ELOVL4: variants seen among roughly 807,000 people sequenced by gnomAD.
ELOVL4 encodes the protein very long chain fatty acid elongase 4.
In ELOVL4, 18 loss-of-function variants were observed where a neutral mutation model predicts 42.1. The observed-to-expected ratio is 0.43, with a 90% CI of 0.30 to 0.63. The LOEUF (loss-of-function observed/expected upper bound fraction) is 0.63. ELOVL4 is among the 30% of genes least tolerant of loss of function. The pLI, the probability that ELOVL4 is intolerant of heterozygous loss-of-function variation, is 0.15. For synonymous variants in ELOVL4, 117 were observed against 127.0 expected, an observed-to-expected ratio of 0.92 and a Z score of 0.53; for missense variants, 299 against 376.2, an observed-to-expected ratio of 0.79 and a Z score of 1.70.
intron 5 of ELOVL4, among the ~76,000 whole-genome samples, chr6:79,917,260 G>A (rs1010157894): frequency 5.9e-5 from 9 of 152,060 alleles, no homozygotes; most frequent in African/African-American, 2.2e-4. Flanking sequence ...TGATTCTTGA[G>A]TCCTCAGCAC....
At chr6:79,928,808 T>G (rs1368871726) in intron 1 of ELOVL4, among the ~76,000 whole-genome samples, 2 of 140,026 alleles carry the variant, frequency 1.4e-5, no homozygotes, top group Non-Finnish European at 3.0e-5. Context: ...GGTGCACACA[T>G]GGCTCACTGC....
chr6:79,942,657 T>C (rs1774667470), intron 1 of ELOVL4, among the ~76,000 whole-genome samples: 1 of 152,210 alleles, frequency 6.6e-6, no homozygotes, highest in East Asian at 1.9e-4. Context: ...CTTAAAACTT[T>C]GTCTTCCTAA....
chr6:79,947,043 G>A (rs1774757127), intron 1 of ELOVL4, 137 bp downstream of exon 1: 2 of 718,038 alleles, frequency 2.8e-6, no homozygotes, highest in South Asian at 1.6e-5. Flanking sequence ...TGCCCGCGCC[G>A]GCCCCTCCGC....
intron 4 of ELOVL4, among the ~76,000 whole-genome samples, chr6:79,921,122 G>C (rs189148100): frequency 6.6e-6 from 1 of 152,136 alleles, no homozygotes; most frequent in African/African-American, 2.4e-5. Context: ...TATTAAAGTA[G>C]TCACAGATAA....
intron 1 of ELOVL4, among the ~76,000 whole-genome samples, chr6:79,934,844 C>G (rs929694571): frequency 1.3e-5 from 2 of 152,100 alleles, no homozygotes; most frequent in Non-Finnish European, 2.9e-5. Flanking sequence ...TGACACTGAT[C>G]AACCACTAAA....
chr6:79,945,302 C>G (rs1407835861), intron 1 of ELOVL4, among the ~76,000 whole-genome samples: 1 of 152,210 alleles, frequency 6.6e-6, no homozygotes, highest in East Asian at 1.9e-4. Context: ...TAAGGCTACT[C>G]TCACTTCTCA....
intron 4 of ELOVL4, among the ~76,000 whole-genome samples, chr6:79,920,537 T>C (rs930964377): frequency 1.3e-5 from 2 of 152,202 alleles, no homozygotes; most frequent in Non-Finnish European, 2.9e-5. Context: ...TTTGGAATAT[T>C]TGCATAGACA....
intron 3 of ELOVL4, among the ~76,000 whole-genome samples, chr6:79,923,968 C>T (rs1297208174): frequency 2.1e-4 from 32 of 151,888 alleles, no homozygotes; most frequent in Admixed American, 2.1e-3. Context: ...CAAGGGAAGC[C>T]ACTAGATATT....
intron 2 of ELOVL4, among the ~76,000 whole-genome samples, chr6:79,925,571 A>T (rs1323301712): frequency 6.6e-6 from 1 of 152,184 alleles, no homozygotes; most frequent in East Asian, 1.9e-4. Context: ...TTCTTTATAC[A>T]TATGCAATTT....
intron 3 of ELOVL4, among the ~76,000 whole-genome samples, chr6:79,922,906 A>T (rs1247697533): frequency 3.3e-5 from 5 of 152,238 alleles, no homozygotes; most frequent in Non-Finnish European, 7.3e-5. Context: ...CTTGAAAAAT[A>T]TCATTAAAAA....
intron 3 of ELOVL4, among the ~76,000 whole-genome samples, chr6:79,922,301 A>T (rs1343517492): frequency 6.6e-6 from 1 of 151,902 alleles, no homozygotes; most frequent in African/African-American, 2.4e-5. Context: ...GACTGCACCA[A>T]TATGTGCAAC....
intron 1 of ELOVL4, among the ~76,000 whole-genome samples, chr6:79,935,711 C>T (rs1263986023): frequency 2.0e-5 from 3 of 152,162 alleles, no homozygotes; most frequent in Non-Finnish European, 4.4e-5. Flanking sequence ...AGAAGACACA[C>T]AAAATTCCTG....
At chr6:79,939,884 T>G (rs1582055469) in intron 1 of ELOVL4, among the ~76,000 whole-genome samples, 1 of 152,300 alleles carries the variant, frequency 6.6e-6, no homozygotes, top group East Asian at 1.9e-4. Flanking sequence ...GACTAGACTA[T>G]TTCACTTAGT....
In ELOVL4 at chr6:79,929,429, C is replaced by G. The variant is rs549920662; in HGVS notation, c.101-3048G>C. On this transcript the variant is annotated intron_variant, in intron 1 of 5. Transcript: ENST00000369816. The stretch of plus-strand genomic sequence containing the variant: ...TTACTTTTTGTATTTTTTGTAGAGA[C>G]AGGATTTTGTCATGCTGCCTAGGCT... 7.5e-4 allele frequency among the ~76,000 whole-genome samples: 114 copies of G among 152,182 alleles called. 1 individual carries two copies. The highest frequency in any genetic ancestry group is 2.6e-3 in the African/African-American group (106 of 41,536).
At chr6:79,934,600 A>T (rs1774512272) in intron 1 of ELOVL4, among the ~76,000 whole-genome samples, 1 of 152,068 alleles carries the variant, frequency 6.6e-6, no homozygotes, top group Non-Finnish European at 1.5e-5. Flanking sequence ...AAGCCCCTCA[A>T]TGTCTTCCAG....
chr6:79,917,057 C>T (rs1774175235), intron 5 of ELOVL4, among the ~76,000 whole-genome samples, 174 bp from the exon 6 acceptor site: 1 of 152,180 alleles, frequency 6.6e-6, no homozygotes, highest in East Asian at 1.9e-4. Context: ...ATGCCATCTC[C>T]TCAGTAAGGA....
At chr6:79,936,518 A>G (rs1307010472) in intron 1 of ELOVL4, among the ~76,000 whole-genome samples, 1 of 152,212 alleles carries the variant, frequency 6.6e-6, no homozygotes, top group Non-Finnish European at 1.5e-5. Context: ...ACGAGGGCCA[A>G]TGCTACAGCC....
At chr6:79,927,618 T>C (rs915406073) in intron 1 of ELOVL4, among the ~76,000 whole-genome samples, 1 of 152,140 alleles carries the variant, frequency 6.6e-6, no homozygotes, top group Non-Finnish European at 1.5e-5. Flanking sequence ...ATCAAACAAT[T>C]TGCAAAGTCA....
At chr6:79,943,599 T>G (rs1459072452) in intron 1 of ELOVL4, among the ~76,000 whole-genome samples, 2 of 152,134 alleles carry the variant, frequency 1.3e-5, no homozygotes, top group African/African-American at 4.8e-5. Flanking sequence ...TAGTCCTGAG[T>G]CTGACAGATC....
Sources: gnomAD v4.1 joint callset for allele counts (sites outside exome capture counted in the v4.1 genomes callset) on GRCh38, gnomAD v4.1.1 for gene constraint, MANE v1.5 for transcripts, NCBI Gene and HGNC (gene_info 2026-07-23, HGNC 2026-07-21) for gene names.